KCNH1: variants seen among roughly 807,000 people sequenced by gnomAD.
KCNH1 encodes the protein potassium voltage-gated channel subfamily H member 1.
Under a neutral mutation model 69.2 loss-of-function variants are expected in KCNH1, and 27 were observed. That is an observed-to-expected ratio of 0.39 (90% CI 0.29 to 0.54). KCNH1 has a LOEUF of 0.54. Among genes scored for constraint, KCNH1 ranks in the 20% least tolerant of loss-of-function variants. KCNH1 has a pLI of 0.68. For synonymous variants in KCNH1, 456 were observed against 487.7 expected, an observed-to-expected ratio of 0.93 and a Z score of 0.86; for missense variants, 798 against 1,261.6, an observed-to-expected ratio of 0.63 and a Z score of 5.57.
At chr1:210,812,620 C>T (rs1179957788) in intron 7 of KCNH1, among the ~76,000 whole-genome samples, 1 of 152,200 alleles carries the variant, frequency 6.6e-6, no homozygotes, top group Admixed American at 6.5e-5. Flanking sequence ...GGATGAACTG[C>T]TCATTAAGTC....
intron 7 of KCNH1, among the ~76,000 whole-genome samples, chr1:210,883,643 T>G (rs1686541997): frequency 6.6e-6 from 1 of 152,222 alleles, no homozygotes; most frequent in South Asian, 2.1e-4. Flanking sequence ...AAATTATATT[T>G]TATACTTCAT....
At chr1:211,044,211 G>A (rs566163890) in intron 5 of KCNH1, among the ~76,000 whole-genome samples, 13 of 152,224 alleles carry the variant, frequency 8.5e-5, no homozygotes, top group African/African-American at 2.9e-4. Context: ...CCTCCAAAGA[G>A]GTCCTAGAAC....
At chr1:210,879,790 G>A (rs1336840757) in intron 7 of KCNH1, among the ~76,000 whole-genome samples, 1 of 151,962 alleles carries the variant, frequency 6.6e-6, no homozygotes, top group African/African-American at 2.4e-5. Flanking sequence ...TATAAAGATT[G>A]GGAAGAAAGA....
At chr1:211,099,782 C>T (rs764096271) in intron 3 of KCNH1, among the ~76,000 whole-genome samples, 6 of 152,162 alleles carry the variant, frequency 3.9e-5, no homozygotes, top group South Asian at 2.1e-4. Context: ...CTGACTGGAA[C>T]GCAGGGCTTC....
intron 3 of KCNH1, 50 bp downstream of exon 3, chr1:211,103,446 T>G: frequency 8.6e-7 from 1 of 1,165,144 alleles, no homozygotes; most frequent in South Asian, 1.4e-5. Flanking sequence ...GGAGATATTT[T>G]ACTATTTCAA....
intron 10 of KCNH1, among the ~76,000 whole-genome samples, chr1:210,759,352 A>C (rs190366885): frequency 1.3e-5 from 2 of 152,314 alleles, no homozygotes; most frequent in East Asian, 3.9e-4. Context: ...CATAGAATTC[A>C]GAATATGGAT....
At chr1:210,969,247 T>C (rs1688468540) in intron 6 of KCNH1, among the ~76,000 whole-genome samples, 1 of 152,056 alleles carries the variant, frequency 6.6e-6, no homozygotes, top group African/African-American at 2.4e-5. Context: ...ACCATGCTTA[T>C]GTGTTTTGGT....
intron 6 of KCNH1, among the ~76,000 whole-genome samples, chr1:210,968,068 C>T (rs978264413): frequency 6.6e-6 from 1 of 151,496 alleles, no homozygotes; most frequent in Non-Finnish European, 1.5e-5. Context: ...CTTCCTGTGA[C>T]CATGTGATCT....
rs536121782 is a variant in KCNH1 at position 211,099,467 on chromosome 1, T to A, written c.310+4029A>T. Among the ~76,000 whole-genome samples the A allele has an allele frequency of 3.0e-4, 45 of 152,324 alleles. No homozygotes were observed. The South Asian group carries it at 8.9e-3, about 30-fold the overall frequency. On this transcript the variant is annotated intron_variant, in intron 3 of 10. Coordinates refer to ENST00000271751, the MANE Select transcript of KCNH1 (RefSeq NM_172362.3). ...CTCTATATTGCTTTAAAATGCTGAA[T>A]GTTTTACTCTATTGAACAGCGAAGT...
chr1:210,793,991 T>C (rs1468536643), intron 9 of KCNH1, among the ~76,000 whole-genome samples: 1 of 152,202 alleles, frequency 6.6e-6, no homozygotes, highest in Non-Finnish European at 1.5e-5. Context: ...GCCTGGCAGA[T>C]AGCAGGTGTT....
chr1:210,746,319 A>G (rs1683157531), intron 10 of KCNH1, among the ~76,000 whole-genome samples: 2 of 152,188 alleles, frequency 1.3e-5, no homozygotes, highest in Admixed American at 1.3e-4. Context: ...TTGTATGAGT[A>G]AAGCAGAGAT....
intron 7 of KCNH1, among the ~76,000 whole-genome samples, chr1:210,885,429 C>T (rs1410055881): frequency 1.3e-5 from 2 of 152,198 alleles, no homozygotes; most frequent in Non-Finnish European, 2.9e-5. Flanking sequence ...CAAGAGATTC[C>T]CTCAGGTGCC....
chr1:210,877,831 T>C (rs1686410689), intron 7 of KCNH1, among the ~76,000 whole-genome samples: 2 of 152,194 alleles, frequency 1.3e-5, no homozygotes, highest in Admixed American at 1.3e-4. Context: ...ATTTCCAGCA[T>C]GATACCACCT....
intron 5 of KCNH1, among the ~76,000 whole-genome samples, chr1:211,080,032 C>T (rs1174506145): frequency 6.6e-6 from 1 of 152,204 alleles, no homozygotes; most frequent in Non-Finnish European, 1.5e-5. Flanking sequence ...CAAATTGTCC[C>T]TGTTTGCAGA....
chr1:211,103,679 A>G, intron 2 of KCNH1, 77 bp from the exon 3 acceptor site: 2 of 953,006 alleles, frequency 2.1e-6, no homozygotes, highest in African/African-American at 1.6e-5. Flanking sequence ...TATCTGTTCT[A>G]TATTCAGCAC....
intron 3 of KCNH1, among the ~76,000 whole-genome samples, chr1:211,101,639 C>T (rs1691259337): frequency 6.6e-6 from 1 of 152,182 alleles, no homozygotes; most frequent in Admixed American, 6.5e-5. Flanking sequence ...TTCCACTTCC[C>T]CCTAAGCAGG....
chr1:211,099,125 T>A (rs4090304), intron 3 of KCNH1, among the ~76,000 whole-genome samples: 1 of 151,886 alleles, frequency 6.6e-6, no homozygotes, highest in East Asian at 1.9e-4. Flanking sequence ...CTTTCTAAAT[T>A]ATATTTATGA....
chr1:211,061,368 G>GA (rs1409322066), intron 5 of KCNH1, among the ~76,000 whole-genome samples: 1 of 152,106 alleles, frequency 6.6e-6, no homozygotes, highest in Non-Finnish European at 1.5e-5. Flanking sequence ...ACCGAATGGG[G>GA]AAAAACTGAA....
chr1:211,023,756 T>C (rs1192216729), intron 5 of KCNH1, among the ~76,000 whole-genome samples: 2 of 152,170 alleles, frequency 1.3e-5, no homozygotes, highest in African/African-American at 4.8e-5. Flanking sequence ...ATATCCCAAC[T>C]ACCCTGATTT....
Sources: gnomAD v4.1 joint callset for allele counts (sites outside exome capture counted in the v4.1 genomes callset) on GRCh38, gnomAD v4.1.1 for gene constraint, MANE v1.5 for transcripts, NCBI Gene and HGNC (gene_info 2026-07-23, HGNC 2026-07-21) for gene names.